The following PREX2 variants were observed in gnomAD, a reference collection of about 807,000 sequenced individuals.
The protein encoded by PREX2 is phosphatidylinositol-3,4,5-trisphosphate dependent Rac exchange factor 2, also known as phosphatidylinositol 3,4,5-trisphosphate-dependent Rac exchanger 2 protein.
Under a neutral mutation model 203.2 loss-of-function variants are expected in PREX2, and 107 were observed. The ratio of observed to expected loss-of-function variants is 0.53; its 90% CI spans 0.45 to 0.62. The LOEUF (loss-of-function observed/expected upper bound fraction) is 0.62. PREX2 is among the 20% of genes least tolerant of loss of function. PREX2 has a pLI of 0.00. For synonymous variants in PREX2, 672 were observed against 663.6 expected (o/e 1.01, Z -0.19); for missense variants, 1,777 against 1,955.9 (o/e 0.91, Z 1.72).
chr8:67,952,690 C>G (rs1426057584), intron 1 of PREX2, 155 bp downstream of exon 1: 7 of 1,048,770 alleles, frequency 6.7e-6, no homozygotes, highest in Non-Finnish European at 8.5e-6. Flanking sequence ...ACTCTGCGTT[C>G]GCGGGCGCGG....
At chr8:67,963,408 A>G (rs995813846) in intron 1 of PREX2, among the ~76,000 whole-genome samples, 8 of 152,212 alleles carry the variant, frequency 5.3e-5, no homozygotes, top group Admixed American at 4.6e-4. Context: ...AAATGGGCCT[A>G]TAAGAGAAAT....
intron 17 of PREX2, chr8:68,082,141 T>TC (rs1809550629): frequency 6.6e-6 from 1 of 152,062 alleles, no homozygotes. Context: ...AGACACAAAA[T>TC]CCCCCACCCT....
At chr8:67,962,534 A>C (rs1805659086) in intron 1 of PREX2, among the ~76,000 whole-genome samples, 1 of 151,698 alleles carries the variant, frequency 6.6e-6, no homozygotes, top group Non-Finnish European at 1.5e-5. Flanking sequence ...TTCATTTTCT[A>C]TACTGTATAA....
In PREX2 at chr8:67,978,377, C is replaced by G. The variant is rs1032349468; in HGVS notation, c.141+25842C>G. The stretch of plus-strand genomic sequence containing the variant: ...CCATCCTTGTGTTCCCTTTCAGCAA[C>G]AGCCATCTCCAAGGGTAGCAACCAC... On this transcript the variant is annotated intron_variant, in intron 1 of 39. Coordinates refer to ENST00000288368, the MANE Select transcript of PREX2 (RefSeq NM_024870.4). 3.9e-5 allele frequency among the ~76,000 whole-genome samples: 6 copies of G among 152,202 alleles called. No individual in the cohort carries two copies. In the South Asian group the frequency reaches 1.2e-3, roughly 31 times the overall value.
chr8:68,097,314 T>C, intron 22 of PREX2, 113 bp downstream of exon 22: 1 of 783,922 alleles, frequency 1.3e-6, no homozygotes, highest in Non-Finnish European at 1.9e-6. Context: ...AGCTGTCAGC[T>C]CATTCAAACT....
At chr8:68,098,361 C>A (rs1810151018) in intron 22 of PREX2, among the ~76,000 whole-genome samples, 1 of 152,100 alleles carries the variant, frequency 6.6e-6, no homozygotes, top group South Asian at 2.1e-4. Context: ...GTAATATAGA[C>A]ATCTAAATGA....
At chr8:68,194,403 A>T (rs1812354187) in intron 37 of PREX2, among the ~76,000 whole-genome samples, 1 of 152,192 alleles carries the variant, frequency 6.6e-6, no homozygotes, top group Non-Finnish European at 1.5e-5. Context: ...AGATAGGCAG[A>T]TTGAATTAGC....
chr8:68,126,878 T>C (rs1810903447), intron 30 of PREX2, among the ~76,000 whole-genome samples: 1 of 151,816 alleles, frequency 6.6e-6, no homozygotes, highest in Admixed American at 6.6e-5. Flanking sequence ...TGTGTATATA[T>C]ATGTGTGTAA....
At chr8:68,133,378 T>G (rs1020292588) in intron 31 of PREX2, among the ~76,000 whole-genome samples, 19 of 152,134 alleles carry the variant, frequency 1.2e-4, no homozygotes, top group Admixed American at 6.6e-5. Flanking sequence ...CTCCAGTCAA[T>G]TGCAGGATAA....
intron 1 of PREX2, among the ~76,000 whole-genome samples, chr8:67,968,103 C>T (rs540891948): frequency 8.5e-4 from 129 of 151,844 alleles, no homozygotes; most frequent in African/African-American, 3.0e-3. Context: ...TGCAAACCCT[C>T]CCCGGCTTTC....
Position 68,236,155 on chromosome 8 carries a change from C to T in PREX2, c.*4777C>T, listed in dbSNP as rs1286257052. On this transcript the variant is annotated 3_prime_UTR_variant, in exon 40 of 40. Coordinates refer to ENST00000288368, the MANE Select transcript of PREX2 (RefSeq NM_024870.4). Reference sequence around the variant, plus strand: ...AGCTGTCCAACCATGTGTAAATGTACCTGGTCTTTTGATCACTGACACTAC... The same window carrying T: ...AGCTGTCCAACCATGTGTAAATGTATCTGGTCTTTTGATCACTGACACTAC... 1 of 151,494 alleles carries T rather than the reference C, an allele frequency of 6.6e-6. No individual in the cohort carries two copies. Among genetic ancestry groups the T allele is most frequent in the African/African-American group, 2.4e-5 (1 of 40,912 alleles). The allele number at this position is 151,494 out of a possible 1,614,324, so 9.4% of individuals were successfully genotyped here.
intron 23 of PREX2, among the ~76,000 whole-genome samples, chr8:68,102,468 A>G (rs917152696): frequency 1.3e-5 from 2 of 152,236 alleles, no homozygotes; most frequent in Admixed American, 1.3e-4. Context: ...CAATTTGAAT[A>G]AGATTTAGGT....
At chr8:68,129,361 C>T (rs962028048) in intron 31 of PREX2, among the ~76,000 whole-genome samples, 1 of 151,954 alleles carries the variant, frequency 6.6e-6, no homozygotes, top group Non-Finnish European at 1.5e-5. Flanking sequence ...TTTTCTATTC[C>T]TCTTATGATT....
chr8:67,953,913 G>T (rs1805425238), intron 1 of PREX2, among the ~76,000 whole-genome samples: 1 of 152,148 alleles, frequency 6.6e-6, no homozygotes, highest in Admixed American at 6.5e-5. Context: ...TGGCTTTCAT[G>T]AAACTTTTTT....
At chr8:68,009,368 G>A (rs1807198854) in intron 1 of PREX2, among the ~76,000 whole-genome samples, 1 of 152,186 alleles carries the variant, frequency 6.6e-6, no homozygotes, top group Non-Finnish European at 1.5e-5. Context: ...TCATTGTGCT[G>A]TGTTGTTCAA....
chr8:68,107,160 G>A (rs1276885953), intron 23 of PREX2, among the ~76,000 whole-genome samples: 1 of 152,136 alleles, frequency 6.6e-6, no homozygotes, highest in Non-Finnish European at 1.5e-5. Flanking sequence ...TAGACTATGA[G>A]TCAGGGAAGG....
chr8:68,029,437 A>C (rs1014417813), intron 5 of PREX2, among the ~76,000 whole-genome samples: 1 of 152,054 alleles, frequency 6.6e-6, no homozygotes, highest in Non-Finnish European at 1.5e-5. Flanking sequence ...TAACTTTTAA[A>C]CCTTGTCTTG....
Position 68,236,336 on chromosome 8 carries a change from A to G in PREX2, c.*4958A>G, listed in dbSNP as rs1813263813. On this transcript the variant is annotated 3_prime_UTR_variant, in exon 40 of 40. Transcript: ENST00000288368. Reference sequence around the variant, plus strand: ...ATAACAGGATAAATGCTATCTGATCAAGCATTCATCCGAAAAATGTTTTTG... The same window carrying G: ...ATAACAGGATAAATGCTATCTGATCGAGCATTCATCCGAAAAATGTTTTTG... The G allele has an allele frequency of 6.6e-6, 1 of 152,200 alleles. No homozygotes were observed. The allele number at this position is 152,200 out of a possible 1,614,324, so 9.4% of individuals were successfully genotyped here.
Position 68,053,834 on chromosome 8 carries a change from C to G in PREX2, c.1093+588C>G, listed in dbSNP as rs527831249. ...TTAGTTGCTTGTTCATATGAGGAGG[C>G]CTAGCTCCAATTTGTTTTATGCTTT... On this transcript the variant is annotated intron_variant, in intron 9 of 39. Transcript: ENST00000288368. Among the ~76,000 whole-genome samples, 9 of 152,198 alleles carry G rather than the reference C, an allele frequency of 5.9e-5. No homozygotes were observed. In the South Asian group the frequency reaches 1.9e-3, roughly 32 times the overall value.
Sources: allele counts gnomAD v4.1 joint callset (sites outside exome capture counted in the v4.1 genomes callset), GRCh38; gene constraint gnomAD v4.1.1; transcripts MANE v1.5; gene names NCBI Gene and HGNC (gene_info 2026-07-23, HGNC 2026-07-21).